The following ZNF267 variants were observed in gnomAD, a reference collection of about 807,000 sequenced individuals.
The protein encoded by ZNF267 is zinc finger protein 267.
Under a neutral mutation model 71.6 loss-of-function variants are expected in ZNF267, and 61 were observed. The observed-to-expected ratio is 0.85, with a 90% CI of 0.69 to 1.05. The LOEUF (loss-of-function observed/expected upper bound fraction) is 1.05, where lower values mean the gene tolerates loss of function less well. ZNF267 is among the 50% of genes least tolerant of loss of function. ZNF267 has a pLI of 0.00. For missense variants in ZNF267, 852 were observed against 870.0 expected (o/e 0.98, Z 0.26); for synonymous variants, 288 against 293.2 (o/e 0.98, Z 0.18).
rs573726507 is a variant in ZNF267, at chr16:31,896,972, G to A, written c.226+11716G>A. 2.8e-4 allele frequency among the ~76,000 whole-genome samples: 43 copies of A among 151,738 alleles called. 1 individual carries two copies. Among genetic ancestry groups the A allele is most frequent in the Non-Finnish European group, 5.4e-4 (37 of 67,910 alleles). On this transcript the variant is annotated intron_variant, in intron 3 of 3. Coordinates refer to ENST00000300870, the MANE Select transcript of ZNF267 (RefSeq NM_003414.6). ...TCCATGCTTTGTAGTTTTAATGTAG[G>A]AATATTTCATCTTCTTAGTTACGTT...
intron 3 of ZNF267, among the ~76,000 whole-genome samples, chr16:31,896,459 A>G (rs575425157): frequency 6.6e-5 from 10 of 152,182 alleles, no homozygotes; most frequent in Non-Finnish European, 7.3e-5. Context: ...TTTTTTTGGT[A>G]TATGGTGAGT....
chr16:31,903,881 G>A (rs1466067118), intron 3 of ZNF267, among the ~76,000 whole-genome samples: 1 of 151,984 alleles, frequency 6.6e-6, no homozygotes, highest in Non-Finnish European at 1.5e-5. Context: ...GTGATGTTAG[G>A]GTGTCAATTT....
chr16:31,904,567 T>C (rs1192737879), intron 3 of ZNF267, among the ~76,000 whole-genome samples: 3 of 152,244 alleles, frequency 2.0e-5, no homozygotes, highest in Admixed American at 6.5e-5. Context: ...TTTGGATCTT[T>C]GTTGGTTTAA....
intron 3 of ZNF267, among the ~76,000 whole-genome samples, chr16:31,909,031 G>T (rs2084113688): frequency 6.9e-6 from 1 of 144,496 alleles, no homozygotes; most frequent in African/African-American, 2.6e-5. Context: ...TAACAATATT[G>T]ATTCTTCCAA....
At position 31,914,455 on chromosome 16, in the gene ZNF267, TA is replaced by T; in HGVS notation, c.227-17del. ...ACCTGAATATAGTAATTGGAATTCT[TA>T]AAATTTTTATATCTTTCAGATGTGT... On this transcript the variant is annotated intron_variant, in intron 3 of 3. Coordinates refer to ENST00000300870, the MANE Select transcript of ZNF267 (RefSeq NM_003414.6). 6.5e-7 allele frequency: 1 copy of T among 1,536,256 alleles called. No homozygotes were observed. Among genetic ancestry groups the T allele is most frequent in the South Asian group, 1.3e-5 (1 of 77,766 alleles).
At chr16:31,880,975 C>T (rs2083885793) in intron 1 of ZNF267, among the ~76,000 whole-genome samples, 1 of 152,154 alleles carries the variant, frequency 6.6e-6, no homozygotes, top group South Asian at 2.1e-4. Context: ...GTACAGGGAA[C>T]TTGGGCTTGA....
intron 1 of ZNF267, among the ~76,000 whole-genome samples, chr16:31,882,074 G>A (rs59519254): frequency 6.6e-6 from 1 of 152,136 alleles, no homozygotes; most frequent in Non-Finnish European, 1.5e-5. Context: ...GAAAGGCTGA[G>A]CCATTATCTA....
At position 31,914,906 on chromosome 16, in the gene ZNF267, T is replaced by C. The variant is rs1469858931; in HGVS notation, c.657T>C (p.Asn219=). ...VFIGEKNYHC[N]NSEKTLNQSS... ...TTGGAGAGAAAAATTATCATTGCAA[T>C]AATTCTGAAAAAACCTTGAACCAAA... The change falls in exon 4 of 4, where the codon AAT becomes AAC. Residue 219 remains asparagine, a synonymous_variant. Coordinates refer to ENST00000300870, the MANE Select transcript of ZNF267 (RefSeq NM_003414.6). The C allele has an allele frequency of 1.2e-6, 2 of 1,612,218 alleles. No individual in the cohort carries two copies. The highest frequency in any genetic ancestry group is 3.4e-5 in the Admixed American group (2 of 59,688).
intron 2 of ZNF267, 35 bp from the exon 3 acceptor site, chr16:31,885,126 C>T (rs201434437): frequency 1.2e-4 from 178 of 1,537,080 alleles, no homozygotes; most frequent in Middle Eastern, 2.2e-4. Context: ...AAAGAACCCT[C>T]ATTAAGAGTC....
chr16:31,885,261 G>A lies in ZNF267; in HGVS notation c.226+5G>A, dbSNP rs779423966. ...AGACAGTAGCCATCCAGCCAGGTAG[G>A]TGGGAGCGAATGAAGTAGATGACAT... On this transcript the variant is annotated splice_donor_5th_base_variant and intron_variant, in intron 3 of 3. Coordinates refer to ENST00000300870, the MANE Select transcript of ZNF267 (RefSeq NM_003414.6). The A allele has an allele frequency of 4.4e-6, 7 of 1,604,694 alleles. No individual in the cohort carries two copies. Among genetic ancestry groups the A allele is most frequent in the East Asian group, 2.2e-5 (1 of 44,770 alleles).
intron 3 of ZNF267, chr16:31,911,816 CTGTT>C (rs1416472100): frequency 6.6e-6 from 1 of 150,956 alleles, no homozygotes; most frequent in Non-Finnish European, 1.5e-5. Context: ...GTTTCTGTGT[CTGTT>C]GTATGTTTTT....
intron 1 of ZNF267, chr16:31,875,105 G>C: frequency 7.8e-7 from 1 of 1,288,174 alleles, no homozygotes; most frequent in Non-Finnish European, 1.0e-6. Flanking sequence ...ACACGTTATC[G>C]GAAAGAATGT....
At chr16:31,903,139 A>G (rs1043706619) in intron 3 of ZNF267, among the ~76,000 whole-genome samples, 1 of 152,210 alleles carries the variant, frequency 6.6e-6, no homozygotes, top group Non-Finnish European at 1.5e-5. Context: ...GATGAAGTCC[A>G]CTTGATCATG....
intron 3 of ZNF267, among the ~76,000 whole-genome samples, chr16:31,908,759 T>A (rs2084111591): frequency 2.0e-5 from 3 of 152,306 alleles, no homozygotes; most frequent in African/African-American, 7.2e-5. Flanking sequence ...GGTTCTCTAT[T>A]CTGTTGCATT....
intron 1 of ZNF267, among the ~76,000 whole-genome samples, chr16:31,875,788 T>C (rs959167687): frequency 6.6e-6 from 1 of 152,262 alleles, no homozygotes; most frequent in African/African-American, 2.4e-5. Flanking sequence ...CATTTATTTC[T>C]ACTTCAGTTT....
rs777997681 is a variant in ZNF267, at chr16:31,915,921, CCTTATAGTTCA to C, written c.1674_1684del (p.Tyr559ProfsTer17). 1 of 1,601,852 alleles carries C rather than the reference CCTTATAGTTCA, an allele frequency of 6.2e-7. No homozygotes were observed. Among genetic ancestry groups the C allele is most frequent in the South Asian group, 1.1e-5 (1 of 89,600 alleles). ...ATGTAAAGAATGTGGCAAAGCCTTT[CCTTATAGTTCA>C]CACCTTATTCGACATCATCGAATTC... On this transcript the variant is annotated frameshift_variant, in exon 4 of 4. Coordinates refer to ENST00000300870, the MANE Select transcript of ZNF267 (RefSeq NM_003414.6). LOFTEE classifies it high-confidence loss of function.
At chr16:31,909,243 T>C (rs1567238313) in intron 3 of ZNF267, among the ~76,000 whole-genome samples, 1 of 149,208 alleles carries the variant, frequency 6.7e-6, no homozygotes, top group Non-Finnish European at 1.5e-5. Flanking sequence ...GTGATTCTCC[T>C]GCCGCAGCCT....
intron 3 of ZNF267, among the ~76,000 whole-genome samples, chr16:31,897,162 A>C (rs2142346473): frequency 6.6e-6 from 1 of 151,930 alleles, no homozygotes; most frequent in East Asian, 1.9e-4. Context: ...CAAAACAAAA[A>C]AAACCCAGAA....
chr16:31,882,338 G>A (rs1248166419), intron 1 of ZNF267, among the ~76,000 whole-genome samples: 1 of 152,196 alleles, frequency 6.6e-6, no homozygotes, highest in Non-Finnish European at 1.5e-5. Flanking sequence ...AGTGGTTGGT[G>A]GTCCTCACTG....
Sources: gnomAD v4.1 joint callset for allele counts (sites outside exome capture counted in the v4.1 genomes callset) on GRCh38, gnomAD v4.1.1 for gene constraint, MANE v1.5 for transcripts, NCBI Gene and HGNC (gene_info 2026-07-23, HGNC 2026-07-21) for gene names.